Variants in FOXK2 observed in about 807,000 individuals in gnomAD.
FOXK2 encodes the protein forkhead box protein K2.
Under a neutral mutation model 53.3 loss-of-function variants are expected in FOXK2, and 24 were observed. The ratio of observed to expected loss-of-function variants is 0.45; its 90% confidence interval spans 0.33 to 0.63. The LOEUF (loss-of-function observed/expected upper bound fraction) is 0.63. Ranked by LOEUF, FOXK2 falls within the 30% of genes least tolerant of loss-of-function variation. The pLI, the probability that FOXK2 is intolerant of heterozygous loss-of-function variation, is 0.03. For missense variants in FOXK2, 952 were observed against 910.5 expected (o/e 1.05, Z -0.59); for synonymous variants, 505 against 407.1 (o/e 1.24, Z -2.89).
At chr17:82,537,034 G>A (rs1192049703) in intron 1 of FOXK2, among the ~76,000 whole-genome samples, 1 of 152,182 alleles carries the variant, frequency 6.6e-6, no homozygotes, top group Non-Finnish European at 1.5e-5. Flanking sequence ...CTTAAGGTTA[G>A]AAAACATTGT....
chr17:82,569,647 A>G (rs2044891330), intron 3 of FOXK2, among the ~76,000 whole-genome samples: 1 of 152,180 alleles, frequency 6.6e-6, no homozygotes. Context: ...TTTTAGAAAC[A>G]TAGAAAAAAA....
At chr17:82,586,825 CG>C (rs1157118445) in intron 7 of FOXK2, among the ~76,000 whole-genome samples, 1 of 152,010 alleles carries the variant, frequency 6.6e-6, no homozygotes, top group Non-Finnish European at 1.5e-5. Flanking sequence ...CACTTGAACC[CG>C]GAAGGTGGAG....
At chr17:82,558,567 G>A (rs1229185904) in intron 1 of FOXK2, among the ~76,000 whole-genome samples, 1 of 152,216 alleles carries the variant, frequency 6.6e-6, no homozygotes, top group African/African-American at 2.4e-5. Flanking sequence ...CCCCACAGGG[G>A]AGGAAGAGAT....
At chr17:82,548,179 G>C (rs72861068) in intron 1 of FOXK2, among the ~76,000 whole-genome samples, 1 of 152,112 alleles carries the variant, frequency 6.6e-6, no homozygotes, top group African/African-American at 2.4e-5. Flanking sequence ...CAGGTGGTCA[G>C]TGTGCATTTA....
At chr17:82,583,032 A>C in intron 5 of FOXK2, 98 bp downstream of exon 5, 1 of 837,218 alleles carries the variant, frequency 1.2e-6, no homozygotes, top group Non-Finnish European at 1.7e-6. Flanking sequence ...GGAACTACTA[A>C]ATGCATTATG....
Position 82,571,766 on chromosome 17 carries a change from C to T in FOXK2, c.805C>T (p.Gln269Ter). ...PPYSYAQLIVQAITMAPDKQL... is the reference protein window; with the variant it reads ...PPYSYAQLIV ...TTACTCCTACGCGCAGCTGATAGTT[C>T]AGGCGATTACGATGGCTCCCGACAA... Residue 269 changes from glutamine (Q) to a stop codon, truncating the protein, a stop_gained, in exon 4 of 9, where the codon CAG becomes TAG. Transcript: ENST00000335255. LOFTEE classifies it high-confidence loss of function. The T allele has an allele frequency of 6.3e-7, 1 of 1,598,210 alleles. No homozygotes were observed. Among genetic ancestry groups the T allele is most frequent in the Non-Finnish European group, 8.5e-7 (1 of 1,174,544 alleles).
chr17:82,521,389 G>T (rs1194060321), intron 1 of FOXK2, among the ~76,000 whole-genome samples: 4 of 149,352 alleles, frequency 2.7e-5, no homozygotes, highest in Non-Finnish European at 4.5e-5. Context: ...GGCCAGGCTG[G>T]TATTGAACTC....
At chr17:82,565,444 T>C (rs967346590) in intron 2 of FOXK2, among the ~76,000 whole-genome samples, 4 of 152,190 alleles carry the variant, frequency 2.6e-5, no homozygotes, top group Non-Finnish European at 4.4e-5. Flanking sequence ...ATCCAGATTA[T>C]AGAGAGAACT....
At chr17:82,577,187 AT>A in intron 4 of FOXK2, 1 of 1,015,070 alleles carries the variant, frequency 9.9e-7, no homozygotes, top group African/African-American at 1.6e-5. Flanking sequence ...AAAAAAAGAA[AT>A]GTATTCATTA....
chr17:82,573,356 C>A (rs1302197210), intron 4 of FOXK2, among the ~76,000 whole-genome samples: 2 of 152,062 alleles, frequency 1.3e-5, no homozygotes, highest in African/African-American at 4.8e-5. Flanking sequence ...GTCCTGCCTG[C>A]CTTCCTGTCT....
chr17:82,566,545 C>G (rs889773218), intron 2 of FOXK2, among the ~76,000 whole-genome samples: 1 of 152,172 alleles, frequency 6.6e-6, no homozygotes, highest in African/African-American at 2.4e-5. Flanking sequence ...GAAAAGGGCA[C>G]AGAATTCCCT....
chr17:82,576,885 T>C, intron 4 of FOXK2: 1 of 485,828 alleles, frequency 2.1e-6, no homozygotes, highest in Non-Finnish European at 3.7e-6. Flanking sequence ...GCAGGCTGGG[T>C]GCGGTGGCTC....
rs188980552 is a variant in FOXK2, at chr17:82,529,749, T to C, written c.419+9442T>C. 7.9e-3 allele frequency among the ~76,000 whole-genome samples: 1,205 copies of C among 152,262 alleles called. 7 individuals carry two copies. The highest frequency in any genetic ancestry group is 0.023 in the South Asian group (109 of 4,826). ...ACTCATTGCGGAGTCACTAGATAAC[T>C]CCTCCCTTTGCAGCTTTGAAAGGAC... is the stretch of plus-strand genomic sequence containing the variant. On this transcript the variant is annotated intron_variant, in intron 1 of 8. Coordinates refer to ENST00000335255, the MANE Select transcript of FOXK2 (RefSeq NM_004514.4).
In FOXK2 at chr17:82,584,149, G is replaced by A. The variant is rs1037736759; in HGVS notation, c.1240G>A (p.Ala414Thr). Reference protein sequence around the residue: ...PEPGAAQPKLAVIQEARFAQS... With the variant: ...PEPGAAQPKLTVIQEARFAQS... ...GCCTGGCGCTGCACAGCCCAAACTC[G>A]CTGTCATCCAGGAAGCCCGGTTTGC... Residue 414 changes from alanine (A) to threonine (T), a missense_variant, in exon 6 of 9, where the codon GCT becomes ACT. By Grantham distance (58) the Ala-to-Thr change is moderately conservative (BLOSUM62 0). Around this residue, in one of 5 missense-constraint regions of FOXK2, gnomAD observed 551 missense variants for 385.1 expected, o/e 1.43. Transcript: ENST00000335255. 15 of 1,608,986 alleles carry A rather than the reference G, an allele frequency of 9.3e-6. No homozygotes were observed. Among genetic ancestry groups the A allele is most frequent in the Middle Eastern group, 1.7e-4 (1 of 5,974 alleles).
At chr17:82,525,861 A>G (rs1343285494) in intron 1 of FOXK2, among the ~76,000 whole-genome samples, 3 of 152,104 alleles carry the variant, frequency 2.0e-5, no homozygotes, top group Non-Finnish European at 4.4e-5. Flanking sequence ...GTAATTCCAC[A>G]CTTTCTTTCT....
At chr17:82,599,080 T>C (rs2045351000) in intron 8 of FOXK2, 3 of 151,434 alleles carry the variant, frequency 2.0e-5, no homozygotes. Context: ...CCGTGCTTTC[T>C]GGAAGCTGAG....
intron 1 of FOXK2, chr17:82,559,538 A>G: frequency 2.2e-6 from 1 of 455,264 alleles, no homozygotes; most frequent in South Asian, 1.5e-5. Flanking sequence ...GCTGCTCATT[A>G]GCAGTGAGGA....
At chr17:82,527,107 G>A (rs1319394937) in intron 1 of FOXK2, among the ~76,000 whole-genome samples, 2 of 152,136 alleles carry the variant, frequency 1.3e-5, no homozygotes, top group East Asian at 3.9e-4. Context: ...CACAGGAGTT[G>A]GCATGTGTTG....
chr17:82,520,104 G>A lies in FOXK2; in HGVS notation c.216G>A (p.Ser72=). The change falls in exon 1 of 9, where the codon TCG becomes TCA. Residue 72 remains serine, a synonymous_variant. Coordinates refer to ENST00000335255, the MANE Select transcript of FOXK2 (RefSeq NM_004514.4). ...CGGTGGACGTGAGCATGGGCCACTC[G>A]AGCTTCATCTCCCGGCGCCACCTCG... ...QGSVDVSMGH[S]SFISRRHLEI... is the part of the protein sequence containing the mutation. 2 of 1,540,262 alleles carry A rather than the reference G, an allele frequency of 1.3e-6. No homozygotes were observed. The highest frequency in any genetic ancestry group is 1.7e-6 in the Non-Finnish European group (2 of 1,146,080).
Sources: allele counts gnomAD v4.1 joint callset (sites outside exome capture counted in the v4.1 genomes callset), GRCh38; gene constraint gnomAD v4.1.1; regional missense constraint gnomAD v4.1.1; transcripts MANE v1.5; gene names NCBI Gene and HGNC (gene_info 2026-07-23, HGNC 2026-07-21).